Variants in SSH3 observed in about 807,000 individuals in gnomAD.
SSH3 encodes slingshot protein phosphatase 3.
SSH3 carries 67 observed loss-of-function variants against 75.0 expected under a neutral mutation model. The observed-to-expected ratio is 0.89, with a 90% confidence interval of 0.73 to 1.10. The LOEUF (loss-of-function observed/expected upper bound fraction) is 1.10. SSH3 is among the 50% of genes least tolerant of loss of function. The pLI is 0.00. For missense variants in SSH3, 824 were observed against 872.7 expected (o/e 0.94, Z 0.70); for synonymous variants, 318 against 349.2 (o/e 0.91, Z 1.00).
intron 11 of SSH3, 62 bp from the exon 12 acceptor site, chr11:67,309,706 C>T: frequency 1.2e-6 from 2 of 1,600,158 alleles, no homozygotes; most frequent in Non-Finnish European, 1.7e-6. Flanking sequence ...CCTGCCCTCC[C>T]CTGCAGGAGG....
chr11:67,307,302 C>T lies in SSH3; in HGVS notation c.537-69C>T. 1.9e-6 allele frequency: 3 copies of T among 1,600,598 alleles called. No homozygotes were observed. Among genetic ancestry groups the T allele is most frequent in the East Asian group, 2.3e-5 (1 of 44,156 alleles). ...ACTCCTGGGTCTCGGCTTCCCGTATCCAGCAAAAGGATGGGTTCTCTGTCG... is the reference window on the plus strand; with the variant it reads ...ACTCCTGGGTCTCGGCTTCCCGTATTCAGCAAAAGGATGGGTTCTCTGTCG... On this transcript the variant is annotated intron_variant, in intron 5 of 13. Coordinates refer to ENST00000308127, the MANE Select transcript of SSH3 (RefSeq NM_017857.4). This position sits in a 1 kb window ranked among gnomAD's most constrained non-coding sequence, Gnocchi z 4.2.
chr11:67,309,434 A>T lies in SSH3; in HGVS notation c.1099A>T (p.Asn367Tyr). 6.2e-7 allele frequency: 1 copy of T among 1,614,058 alleles called. No homozygotes were observed. The highest frequency in any genetic ancestry group is 8.5e-7 in the Non-Finnish European group (1 of 1,179,990). ...HILNMAREID[N>Y]FYPERFTYHN... Reference sequence around the variant, plus strand: ...CTTGAACATGGCCCGGGAGATTGACAACTTCTACCCTGAGCGCTTCACCTA... The same window carrying T: ...CTTGAACATGGCCCGGGAGATTGACTACTTCTACCCTGAGCGCTTCACCTA... The change falls in exon 11 of 14, where the codon AAC becomes TAC. Residue 367 changes from asparagine (N) to tyrosine (Y), a missense_variant. Coordinates refer to ENST00000308127, the MANE Select transcript of SSH3 (RefSeq NM_017857.4).
chr11:67,303,758 C>G, intron 1 of SSH3, 67 bp downstream of exon 1: 1 of 1,390,424 alleles, frequency 7.2e-7, no homozygotes, highest in Non-Finnish European at 9.3e-7. Flanking sequence ...GCGTCCTGCC[C>G]GCCAGCGGGC....
rs1861280613 is a variant in SSH3 at position 67,307,533 on chromosome 11, TCTC to T, written c.603-10_603-8del. ...AGCAAGGGAACAGTGTGACCCAGCC[TCTC>T]CTCCTGTCTCAGGGCCACACTCCAG... On this transcript the variant is annotated splice_polypyrimidine_tract_variant and intron_variant, in intron 6 of 13. Coordinates refer to ENST00000308127, the MANE Select transcript of SSH3 (RefSeq NM_017857.4). This position sits in a 1 kb window ranked among gnomAD's most constrained non-coding sequence, Gnocchi z 4.2. 1.9e-6 allele frequency: 3 copies of T among 1,609,138 alleles called. No individual in the cohort carries two copies. Among genetic ancestry groups the T allele is most frequent in the South Asian group, 1.1e-5 (1 of 90,912 alleles).
At chr11:67,305,309 C>T (rs1186629334) in intron 3 of SSH3, among the ~76,000 whole-genome samples, 2 of 151,926 alleles carry the variant, frequency 1.3e-5, no homozygotes, top group Non-Finnish European at 2.9e-5. Flanking sequence ...GCCTCAGCCT[C>T]CCGAGGAGCT....
chr11:67,307,385 C>G lies in SSH3; in HGVS notation c.551C>G (p.Thr184Arg), dbSNP rs376309375. 1 of 1,613,894 alleles carries G rather than the reference C, an allele frequency of 6.2e-7. No individual in the cohort carries two copies. The highest frequency in any genetic ancestry group is 8.5e-7 in the Non-Finnish European group (1 of 1,180,024). Reference sequence around the variant, plus strand: ...GTCTCCTGCAGGGGCTTCAGCGTGACGTCTGGTGGGCAAAGCCGGATCTTC... The same window carrying G: ...GTCTCCTGCAGGGGCTTCAGCGTGAGGTCTGGTGGGCAAAGCCGGATCTTC... ...YLDGDGGFSV[T>R]SGGQSRIFKP... Residue 184 changes from threonine (T) to arginine (R), a missense_variant, in exon 6 of 14, where the codon ACG becomes AGG. Coordinates refer to ENST00000308127, the MANE Select transcript of SSH3 (RefSeq NM_017857.4). This position sits in a 1 kb window ranked among gnomAD's most constrained non-coding sequence, Gnocchi z 4.2.
In SSH3 at chr11:67,309,928, C is replaced by T. The variant is rs1375653947; in HGVS notation, c.1369C>T (p.Leu457=). Residue 457 remains leucine, a synonymous_variant, in exon 12 of 14, where the codon CTG becomes TTG. Coordinates refer to ENST00000308127, the MANE Select transcript of SSH3 (RefSeq NM_017857.4). ...RPIARPNPGF[L]RQLQIYQGIL... ...CATCGCCCGCCCCAACCCTGGCTTC[C>T]TGCGCCAGCTGCAGATCTACCAGGG... The T allele has an allele frequency of 1.2e-6, 2 of 1,610,584 alleles. No homozygotes were observed. The highest frequency in any genetic ancestry group is 3.3e-5 in the Admixed American group (2 of 60,006).
At chr11:67,306,729 G>T in intron 3 of SSH3, 109 bp from the exon 4 acceptor site, 1 of 1,266,894 alleles carries the variant, frequency 7.9e-7, no homozygotes, top group Non-Finnish European at 1.1e-6. Flanking sequence ...GGAAGAGGGG[G>T]GATGGGAGAG....
rs770507422 is a variant in SSH3 at position 67,307,107 on chromosome 11, G to A, written c.530G>A (p.Gly177Glu). The A allele has an allele frequency of 5.6e-6, 9 of 1,613,650 alleles. No individual in the cohort carries two copies. In the South Asian group the frequency reaches 9.9e-5, roughly 18 times the overall value. ...AGTGACACCCAGGTGTACTTAGATG[G>A]AGACGGGTAAGCAATGGCAACTGGA... Reference protein sequence around the residue: ...LWSDTQVYLDGDGGFSVTSGG... With the variant: ...LWSDTQVYLDEDGGFSVTSGG... The change falls in exon 5 of 14, where the codon GGA becomes GAA. Residue 177 changes from glycine to glutamate, a missense_variant. Coordinates refer to ENST00000308127, the MANE Select transcript of SSH3 (RefSeq NM_017857.4). This position sits in a 1 kb window ranked among gnomAD's most constrained non-coding sequence, Gnocchi z 4.2.
In SSH3 at chr11:67,311,254, G is replaced by A. The variant is rs980836545; in HGVS notation, c.1684-337G>A. Among the ~76,000 whole-genome samples, 8 of 152,296 alleles carry A rather than the reference G, an allele frequency of 5.3e-5. No individual in the cohort carries two copies. In the South Asian group the frequency reaches 6.2e-4, roughly 12 times the overall value. On this transcript the variant is annotated intron_variant, in intron 13 of 13. Coordinates refer to ENST00000308127, the MANE Select transcript of SSH3 (RefSeq NM_017857.4). ...GGTGCCGGCACGGGTTTCACCTGCC[G>A]GCTGCCTACGCAAAGGCAGAGAAAG...
At chr11:67,304,600 C>G (rs576863119) in intron 2 of SSH3, among the ~76,000 whole-genome samples, 173 bp from the exon 3 acceptor site, 74 of 152,328 alleles carry the variant, frequency 4.9e-4, no homozygotes, top group African/African-American at 1.7e-3. Context: ...GCCAAGGGGC[C>G]GAGGGGTTAG....
At chr11:67,304,655 G>A in intron 2 of SSH3, 118 bp from the exon 3 acceptor site, 2 of 1,031,340 alleles carry the variant, frequency 1.9e-6, no homozygotes, top group Non-Finnish European at 2.9e-6. Context: ...TCGACCGCGT[G>A]GGGGCCCATG....
rs751792130 is a variant in SSH3, at chr11:67,308,477, C to T, written c.1061+19C>T. 7 of 1,566,472 alleles carry T rather than the reference C, an allele frequency of 4.5e-6. No homozygotes were observed. Among genetic ancestry groups the T allele is most frequent in the South Asian group, 1.2e-5 (1 of 86,122 alleles). The stretch of plus-strand genomic sequence containing the variant: ...GGAACAGGTAGGGCTATGAGCCCCT[C>T]GGGCCACCCACCCCATCTTCCCTTC... On this transcript the variant is annotated intron_variant, in intron 10 of 13. Transcript: ENST00000308127. This position sits in a 1 kb window ranked among gnomAD's most constrained non-coding sequence, Gnocchi z 4.9.
At position 67,312,043 on chromosome 11, in the gene SSH3, TC is replaced by T; in HGVS notation, c.*159del. The stretch of plus-strand genomic sequence containing the variant: ...CCACCCCTGTCACTACGGCCTCACC[TC>T]CCACCCCTGTCACTACAGCCTCACC... On this transcript the variant is annotated 3_prime_UTR_variant, in exon 14 of 14. Coordinates refer to ENST00000308127, the MANE Select transcript of SSH3 (RefSeq NM_017857.4). 2 of 996,238 alleles carry T rather than the reference TC, an allele frequency of 2.0e-6. No homozygotes were observed. The highest frequency in any genetic ancestry group is 2.9e-6 in the Non-Finnish European group (2 of 700,126). The allele number at this position is 996,238 out of a possible 1,614,324, so 61.7% of individuals were successfully genotyped here.
intron 3 of SSH3, among the ~76,000 whole-genome samples, chr11:67,305,248 G>A (rs992708361): frequency 1.3e-5 from 2 of 151,720 alleles, no homozygotes; most frequent in African/African-American, 2.4e-5. Flanking sequence ...GTGCAGTGGC[G>A]TGATCTCGGC....
In SSH3 at chr11:67,309,792, C is replaced by T. The variant is rs747432635; in HGVS notation, c.1233C>T (p.Val411=). Residue 411 remains valine (V), a synonymous_variant, in exon 12 of 14, where the codon GTC becomes GTT. Transcript: ENST00000308127. ...GAGCACAGGGCACCCACGTGCTGGT[C>T]CACTGCAAGATGGGCGTCAGCCGCT... The part of the protein sequence containing the change: ...AARAQGTHVL[V]HCKMGVSRSA... The T allele has an allele frequency of 6.8e-5, 110 of 1,613,170 alleles. 1 individual carries two copies. The highest frequency in any genetic ancestry group is 8.8e-5 in the South Asian group (8 of 91,088).
chr11:67,310,414 G>A (rs1259478840), intron 13 of SSH3, 75 bp downstream of exon 13: 2 of 1,523,582 alleles, frequency 1.3e-6, no homozygotes, highest in Non-Finnish European at 1.8e-6. Flanking sequence ...AGACCAGGAT[G>A]GGCGTTTGAC....
In SSH3 at chr11:67,310,315, C is replaced by T; in HGVS notation, c.1659C>T (p.Thr553=). The T allele has an allele frequency of 3.1e-6, 5 of 1,611,898 alleles. No individual in the cohort carries two copies. Among genetic ancestry groups the T allele is most frequent in the Non-Finnish European group, 4.2e-6 (5 of 1,178,546 alleles). ...AGCCCTCCTTGGAGCTGGAGAGCAC[C>T]TCAGAGACCAGTGACATGCCAGAGG... ...LLEPSLELES[T]SETSDMPEVF... Residue 553 remains threonine (T), a synonymous_variant, in exon 13 of 14, where the codon ACC becomes ACT. Coordinates refer to ENST00000308127, the MANE Select transcript of SSH3 (RefSeq NM_017857.4).
chr11:67,306,833 C>T lies in SSH3; in HGVS notation c.340-5C>T. ...TGTGACCCTGGGTTCCTCATCTCCC[C>T]CCAGGCAGCCCAGCTGGAGGCACCC... On this transcript the variant is annotated splice_polypyrimidine_tract_variant and splice_region_variant and intron_variant, in intron 3 of 13. Coordinates refer to ENST00000308127, the MANE Select transcript of SSH3 (RefSeq NM_017857.4). 6.2e-7 allele frequency: 1 copy of T among 1,607,786 alleles called. No homozygotes were observed. Among genetic ancestry groups the T allele is most frequent in the East Asian group, 2.2e-5 (1 of 44,734 alleles).
Sources: gnomAD v4.1 joint callset for allele counts (sites outside exome capture counted in the v4.1 genomes callset) on GRCh38, gnomAD v4.1.1 for gene constraint, Gnocchi (gnomAD v3.1) non-coding constraint, MANE v1.5 for transcripts, NCBI Gene and HGNC (gene_info 2026-07-23, HGNC 2026-07-21) for gene names.